Variants in MEF2A observed in about 807,000 individuals in gnomAD.
MEF2A encodes myocyte-specific enhancer factor 2A.
In MEF2A, 28 loss-of-function variants were observed where a neutral mutation model predicts 55.8. The ratio of observed to expected loss-of-function variants is 0.50; its 90% CI spans 0.37 to 0.69. The LOEUF is 0.69. MEF2A is among the 30% of genes least tolerant of loss of function. The pLI, the probability that MEF2A is intolerant of heterozygous loss-of-function variation, is 0.00. For missense variants in MEF2A, 528 were observed against 626.2 expected, an observed-to-expected ratio of 0.84 and a Z score of 1.67; for synonymous variants, 239 against 227.1, an observed-to-expected ratio of 1.05 and a Z score of -0.47.
intron 8 of MEF2A, among the ~76,000 whole-genome samples, chr15:99,695,263 A>G (rs757944012): frequency 2.0e-5 from 3 of 152,184 alleles, no homozygotes; most frequent in Non-Finnish European, 4.4e-5. Flanking sequence ...GGAGGGAGGA[A>G]TTGACTCTAC....
intron 2 of MEF2A, among the ~76,000 whole-genome samples, chr15:99,610,970 G>A (rs1239977890): frequency 3.9e-5 from 6 of 152,222 alleles, no homozygotes; most frequent in African/African-American, 7.2e-5. Context: ...GGCCGGGTGC[G>A]TTGGCTCATG....
Position 99,598,412 on chromosome 15 carries a change from A to T in MEF2A, c.-224-18A>T, listed in dbSNP as rs963018231. The stretch of plus-strand genomic sequence containing the variant: ...AGTCAAGAACAATAATGCATCTCAA[A>T]TTTTTTTCTTTTTTAAGGAATTGCA... On this transcript the variant is annotated intron_variant, in intron 1 of 11. Coordinates refer to ENST00000557942, the MANE Select transcript of MEF2A (RefSeq NM_001319206.4). 2 of 152,260 alleles carry T rather than the reference A, an allele frequency of 1.3e-5. No homozygotes were observed. Among genetic ancestry groups the T allele is most frequent in the African/African-American group, 4.8e-5 (2 of 41,552 alleles). 9.4% of individuals were successfully genotyped at this position (152,260 alleles called of 1,614,324 possible).
At chr15:99,703,038 G>T (rs969641540) in intron 8 of MEF2A, among the ~76,000 whole-genome samples, 2 of 152,138 alleles carry the variant, frequency 1.3e-5, no homozygotes, top group Non-Finnish European at 2.9e-5. Context: ...AATACAGATC[G>T]ATAGCATGAT....
intron 3 of MEF2A, among the ~76,000 whole-genome samples, chr15:99,641,436 C>A (rs2044903261): frequency 6.6e-6 from 1 of 152,028 alleles, no homozygotes; most frequent in African/African-American, 2.4e-5. Context: ...AAAAATTTGT[C>A]TTCTCGGCCG....
intron 2 of MEF2A, among the ~76,000 whole-genome samples, chr15:99,615,450 G>GTAA (rs748167661): frequency 1.3e-5 from 2 of 152,150 alleles, no homozygotes; most frequent in Non-Finnish European, 2.9e-5. Flanking sequence ...TTAAGTAACG[G>GTAA]TAATAATAAT....
At chr15:99,590,822 A>G (rs932696428) in intron 1 of MEF2A, among the ~76,000 whole-genome samples, 3 of 152,088 alleles carry the variant, frequency 2.0e-5, no homozygotes, top group African/African-American at 7.2e-5. Context: ...TGTTATTACC[A>G]TACATTATTA....
chr15:99,629,106 G>A (rs1331256227), intron 2 of MEF2A, among the ~76,000 whole-genome samples: 2 of 152,038 alleles, frequency 1.3e-5, no homozygotes, highest in East Asian at 3.9e-4. Flanking sequence ...GCTTCTTGAA[G>A]TTAATCTTTT....
At chr15:99,703,449 T>C (rs1344124897) in intron 9 of MEF2A, 64 bp downstream of exon 9, 1 of 1,505,344 alleles carries the variant, frequency 6.6e-7, no homozygotes, top group Non-Finnish European at 9.0e-7. Context: ...TTCTCTTACG[T>C]GTTGTTATCT....
chr15:99,575,682 A>G (rs1964048112), intron 1 of MEF2A, among the ~76,000 whole-genome samples: 2 of 152,204 alleles, frequency 1.3e-5, no homozygotes, highest in Non-Finnish European at 2.9e-5. Context: ...CGCTTACAGA[A>G]TGGTTTTAGC....
At position 99,571,668 on chromosome 15, in the gene MEF2A, T is replaced by A. The variant is rs1221654807; in HGVS notation, c.-225+5564T>A. ...TTTGATATTCACTTGGAAGTCTAGTTGGAATCTCAAGTATAATATAAATGA... is the reference window on the plus strand; with the variant it reads ...TTTGATATTCACTTGGAAGTCTAGTAGGAATCTCAAGTATAATATAAATGA... On this transcript the variant is annotated intron_variant, in intron 1 of 11. Transcript: ENST00000557942. 3.3e-5 allele frequency among the ~76,000 whole-genome samples: 5 copies of A among 152,204 alleles called. No homozygotes were observed. In the East Asian group the frequency reaches 9.6e-4, roughly 29 times the overall value.
intron 1 of MEF2A, among the ~76,000 whole-genome samples, chr15:99,570,440 CTT>C (rs1344857362): frequency 6.6e-5 from 10 of 152,100 alleles, no homozygotes; most frequent in African/African-American, 2.4e-4. Flanking sequence ...AATATATGGA[CTT>C]AAAAAAATTC....
At chr15:99,700,185 T>TACACACACACACACACACAC (rs371094810) in intron 8 of MEF2A, among the ~76,000 whole-genome samples, 7 of 100,396 alleles carry the variant, frequency 7.0e-5, no homozygotes, top group African/African-American at 2.1e-4. Flanking sequence ...TGTGTGTATA[T>TACACACACACACACACACAC]ATACACACAC....
chr15:99,621,948 C>CG (rs1452211235), intron 2 of MEF2A, among the ~76,000 whole-genome samples: 25 of 152,066 alleles, frequency 1.6e-4, no homozygotes, highest in African/African-American at 5.3e-4. Flanking sequence ...AATAAGGACT[C>CG]AGTTTAAAAA....
rs746903028 is a variant in MEF2A, at chr15:99,710,697, C to T, written c.1073C>T (p.Ser358Leu). ...GGCTTCAACTCGCCAGGAATGCTGT[C>T]GCTGGGACAGGTGTCGGCCTGGCAG... Reference protein sequence around the residue: ...LQGFNSPGMLSLGQVSAWQQH... With the variant: ...LQGFNSPGMLLLGQVSAWQQH... The change falls in exon 11 of 12, where the codon TCG becomes TTG. Residue 358 changes from serine (S) to leucine (L), a missense_variant. Transcript: ENST00000557942. The T allele has an allele frequency of 1.5e-5, 25 of 1,613,380 alleles. No individual in the cohort carries two copies. The highest frequency in any genetic ancestry group is 4.5e-5 in the East Asian group (2 of 44,878).
intron 8 of MEF2A, among the ~76,000 whole-genome samples, chr15:99,699,080 C>A (rs1414081155): frequency 6.6e-6 from 1 of 151,366 alleles, no homozygotes; most frequent in African/African-American, 2.4e-5. Flanking sequence ...ACAAAAAAAA[C>A]TTGCTGTACA....
intron 2 of MEF2A, among the ~76,000 whole-genome samples, chr15:99,617,451 A>G (rs1424813295): frequency 6.6e-6 from 1 of 152,164 alleles, no homozygotes; most frequent in Non-Finnish European, 1.5e-5. Context: ...GAGAAAGAAT[A>G]TTTATGATTT....
chr15:99,607,454 AGAT>A (rs1245447254), intron 2 of MEF2A, among the ~76,000 whole-genome samples: 1 of 152,236 alleles, frequency 6.6e-6, no homozygotes, highest in Non-Finnish European at 1.5e-5. Flanking sequence ...GGTTTGATTC[AGAT>A]GATATGAGGT....
intron 4 of MEF2A, among the ~76,000 whole-genome samples, chr15:99,651,429 CAG>C (rs910919019): frequency 1.6e-4 from 25 of 152,222 alleles, no homozygotes; most frequent in African/African-American, 5.8e-4. Context: ...ATGGAACAGA[CAG>C]GGAGTATTTA....
chr15:99,700,776 G>A (rs2057299861), intron 8 of MEF2A, among the ~76,000 whole-genome samples: 2 of 152,142 alleles, frequency 1.3e-5, no homozygotes, highest in African/African-American at 4.8e-5. Context: ...CAAAAGTCAC[G>A]GGAGCTGGCC....
Sources: gnomAD v4.1 joint callset for allele counts (sites outside exome capture counted in the v4.1 genomes callset) on GRCh38, gnomAD v4.1.1 for gene constraint, MANE v1.5 for transcripts, NCBI Gene and HGNC (gene_info 2026-07-23, HGNC 2026-07-21) for gene names.